The following EYA2 variants were observed in gnomAD, a reference collection of about 807,000 sequenced individuals.
EYA2 encodes the protein protein phosphatase EYA2.
A neutral mutation model predicts 69.2 loss-of-function variants in EYA2; 31 were observed. That is an observed-to-expected ratio of 0.45 (90% CI 0.34 to 0.60). The LOEUF (loss-of-function observed/expected upper bound fraction) is 0.60. EYA2 is among the 20% of genes least tolerant of loss of function. The pLI, the probability that EYA2 is intolerant of heterozygous loss-of-function variation, is 0.02. For missense variants in EYA2, 622 were observed against 701.2 expected (o/e 0.89, Z 1.28); for synonymous variants, 257 against 279.4 (o/e 0.92, Z 0.80).
chr20:47,138,983 CT>C (rs145151279), intron 9 of EYA2, among the ~76,000 whole-genome samples: 2,626 of 152,210 alleles, frequency 0.017, 116 homozygotes, highest in East Asian at 0.17. Flanking sequence ...AATCAGAAAA[CT>C]TTTTTTCACT....
intron 1 of EYA2, among the ~76,000 whole-genome samples, chr20:46,903,417 GA>G (rs1273202535): frequency 6.6e-6 from 1 of 152,196 alleles, no homozygotes; most frequent in Non-Finnish European, 1.5e-5. Flanking sequence ...TTACTCGGCC[GA>G]CAGCAACTCT....
intron 5 of EYA2, among the ~76,000 whole-genome samples, chr20:47,054,899 A>G (rs1053223365): frequency 2.0e-5 from 3 of 152,222 alleles, no homozygotes; most frequent in African/African-American, 7.2e-5. Context: ...AACTGCAGCT[A>G]TTACGGGCTC....
intron 1 of EYA2, among the ~76,000 whole-genome samples, chr20:46,923,426 A>G (rs1260869873): frequency 6.6e-6 from 1 of 152,188 alleles, no homozygotes; most frequent in Non-Finnish European, 1.5e-5. Flanking sequence ...ACAACTAAAT[A>G]CAGTACCCAG....
At chr20:46,916,512 G>T (rs1272365305) in intron 1 of EYA2, among the ~76,000 whole-genome samples, 1 of 152,040 alleles carries the variant, frequency 6.6e-6, no homozygotes, top group African/African-American at 2.4e-5. Context: ...TGTGTGATGG[G>T]TTCTTGATTT....
intron 1 of EYA2, among the ~76,000 whole-genome samples, chr20:46,949,183 A>G (rs1978650115): frequency 6.6e-6 from 1 of 152,242 alleles, no homozygotes; most frequent in African/African-American, 2.4e-5. Context: ...CTCAAGTGCA[A>G]GGTCTTTAAA....
intron 5 of EYA2, among the ~76,000 whole-genome samples, chr20:47,061,702 T>C (rs555015367): frequency 3.3e-5 from 5 of 152,326 alleles, no homozygotes; most frequent in African/African-American, 1.2e-4. Context: ...AGCAATTAGA[T>C]ACGGCCACAG....
intron 1 of EYA2, among the ~76,000 whole-genome samples, chr20:46,895,412 G>T (rs1281078769): frequency 1.3e-5 from 2 of 152,240 alleles, no homozygotes; most frequent in East Asian, 3.9e-4. Context: ...GTGTTTATGG[G>T]ATAACCAAGA....
At chr20:47,074,055 G>C in intron 6 of EYA2, 103 bp from the exon 7 acceptor site, 1 of 1,122,464 alleles carries the variant, frequency 8.9e-7, no homozygotes, top group Non-Finnish European at 1.2e-6. Context: ...TGCCCACAGA[G>C]AGCTTTTATT....
At chr20:47,074,443 C>A in intron 7 of EYA2, 108 bp downstream of exon 7, 2 of 1,209,594 alleles carry the variant, frequency 1.7e-6, no homozygotes, top group South Asian at 1.5e-5. Flanking sequence ...ACCCAAGGGT[C>A]ATTCATGGAT....
chr20:47,179,382 T>C (rs1366318111), intron 12 of EYA2, among the ~76,000 whole-genome samples: 2 of 141,400 alleles, frequency 1.4e-5, no homozygotes, highest in African/African-American at 2.7e-5. Context: ...GGATATTGGG[T>C]GGATGGATGG....
chr20:47,017,480 C>T (rs1451443923), intron 5 of EYA2, among the ~76,000 whole-genome samples: 1 of 152,012 alleles, frequency 6.6e-6, no homozygotes, highest in Non-Finnish European at 1.5e-5. Flanking sequence ...ACTATCACTT[C>T]ATCTTTATTA....
intron 9 of EYA2, among the ~76,000 whole-genome samples, chr20:47,100,037 GGTTTT>G (rs2032380848): frequency 8.5e-6 from 1 of 117,840 alleles, no homozygotes; most frequent in Non-Finnish European, 1.9e-5. Flanking sequence ...GGTTTGGTTT[GGTTTT>G]GTTCATAGCT....
chr20:46,912,733 G>A (rs936583649), intron 1 of EYA2, among the ~76,000 whole-genome samples: 6 of 144,418 alleles, frequency 4.2e-5, no homozygotes, highest in African/African-American at 7.7e-5. Context: ...TCGCTCTGTC[G>A]CCCAGGCCGG....
chr20:47,177,734 T>C (rs150309946), intron 12 of EYA2, among the ~76,000 whole-genome samples: 1 of 152,230 alleles, frequency 6.6e-6, no homozygotes, highest in Non-Finnish European at 1.5e-5. Context: ...CATTTTGTCC[T>C]AATTAATTCA....
intron 6 of EYA2, among the ~76,000 whole-genome samples, chr20:47,072,676 A>G (rs1458155121): frequency 6.6e-6 from 1 of 152,200 alleles, no homozygotes; most frequent in African/African-American, 2.4e-5. Flanking sequence ...TACTTGTTAA[A>G]TAGAGCAAAG....
intron 5 of EYA2, among the ~76,000 whole-genome samples, chr20:47,071,106 T>G (rs1600686479): frequency 6.6e-6 from 1 of 151,746 alleles, no homozygotes; most frequent in African/African-American, 2.4e-5. Context: ...GCCTCCCGAG[T>G]TCAAGCAGTT....
At chr20:46,953,848 C>A (rs1400272438) in intron 1 of EYA2, among the ~76,000 whole-genome samples, 1 of 152,184 alleles carries the variant, frequency 6.6e-6, no homozygotes, top group African/African-American at 2.4e-5. Flanking sequence ...TAAGTAGGAG[C>A]AAAGGAGCTC....
intron 10 of EYA2, among the ~76,000 whole-genome samples, chr20:47,146,642 C>G (rs900121710): frequency 6.6e-6 from 1 of 152,188 alleles, no homozygotes; most frequent in Admixed American, 6.5e-5. Flanking sequence ...GCAAGGCAGT[C>G]CCTGTCAAAA....
rs564453929 is a variant in EYA2 at position 47,072,010 on chromosome 20, C to T, written c.416-175C>T. 15 of 657,022 alleles carry T rather than the reference C, an allele frequency of 2.3e-5. No individual in the cohort carries two copies. In the East Asian group the frequency reaches 3.6e-4, roughly 16 times the overall value. 40.7% of individuals were successfully genotyped at this position (657,022 alleles called of 1,614,324 possible). On this transcript the variant is annotated intron_variant, in intron 5 of 15. Coordinates refer to ENST00000327619, the MANE Select transcript of EYA2 (RefSeq NM_005244.5). ...CCAGAGGATTAGTGTCAACAAGTCT[C>T]ACCTGGGTTGCTTTGGGAACGCTGG...
Sources: gnomAD v4.1 joint callset for allele counts (sites outside exome capture counted in the v4.1 genomes callset) on GRCh38, gnomAD v4.1.1 for gene constraint, MANE v1.5 for transcripts, NCBI Gene and HGNC (gene_info 2026-07-23, HGNC 2026-07-21) for gene names.